EHBP1: variants seen among roughly 807,000 people sequenced by gnomAD.
The protein encoded by EHBP1 is EH domain binding protein 1.
In EHBP1, 55 loss-of-function variants were observed where a neutral mutation model predicts 144.0. The ratio of observed to expected loss-of-function variants is 0.38; its 90% CI spans 0.31 to 0.48. The LOEUF is 0.48. Among genes scored for constraint, EHBP1 ranks in the 20% least tolerant of loss-of-function variants. The pLI is 0.98. For synonymous variants in EHBP1, 469 were observed against 472.7 expected, an observed-to-expected ratio of 0.99 and a Z score of 0.10; for missense variants, 1,200 against 1,364.2, an observed-to-expected ratio of 0.88 and a Z score of 1.90.
At chr2:62,901,966 A>G (rs2053451846) in intron 10 of EHBP1, among the ~76,000 whole-genome samples, 1 of 148,000 alleles carries the variant, frequency 6.8e-6, no homozygotes. Flanking sequence ...CGCTGTCTCA[A>G]AAAAAAAAAA....
At chr2:62,953,529 A>G (rs1267066724) in intron 13 of EHBP1, among the ~76,000 whole-genome samples, 1 of 151,776 alleles carries the variant, frequency 6.6e-6, no homozygotes, top group Non-Finnish European at 1.5e-5. Flanking sequence ...AGCCTCGGTG[A>G]CAGAGTGAGA....
chr2:62,805,468 CT>C (rs199557281), intron 5 of EHBP1, among the ~76,000 whole-genome samples: 17,498 of 123,676 alleles, frequency 0.14, 1,155 homozygotes, highest in Non-Finnish European at 0.17. Flanking sequence ...TTTGTATTTT[CT>C]TTTTTTTTTT....
At chr2:62,802,719 CT>C (rs573491673) in intron 5 of EHBP1, among the ~76,000 whole-genome samples, 1,208 of 115,636 alleles carry the variant, frequency 0.01, 7 homozygotes, top group African/African-American at 0.029. Context: ...TGGGATCATA[CT>C]TTTTTTTTTT....
chr2:62,691,125 A>G (rs891333786), intron 1 of EHBP1, among the ~76,000 whole-genome samples: 1 of 152,240 alleles, frequency 6.6e-6, no homozygotes, highest in African/African-American at 2.4e-5. Flanking sequence ...TTTATCCTTC[A>G]TAAGCTGACT....
intron 2 of EHBP1, among the ~76,000 whole-genome samples, chr2:62,720,068 C>T (rs750057420): frequency 1.3e-5 from 2 of 152,136 alleles, no homozygotes; most frequent in African/African-American, 4.8e-5. Context: ...CAATCTAATT[C>T]TCAAGTTTGA....
At chr2:62,815,484 T>A (rs954378317) in intron 5 of EHBP1, among the ~76,000 whole-genome samples, 3 of 152,224 alleles carry the variant, frequency 2.0e-5, no homozygotes, top group Non-Finnish European at 4.4e-5. Context: ...ATGAAAAGTA[T>A]GCATAAAGAA....
rs982953877 is a variant in EHBP1 at position 62,811,380 on chromosome 2, A to G, written c.313-14707A>G. ...GAGATGTTTTCAGCGTGGCCTGAGA[A>G]ATGTGGTACTTGTGACAGCTTGGAG... is the stretch of plus-strand genomic sequence containing the variant. On this transcript the variant is annotated intron_variant, in intron 5 of 22. Transcript: ENST00000431489. Among the ~76,000 whole-genome samples, 6 of 152,320 alleles carry G rather than the reference A, an allele frequency of 3.9e-5. No homozygotes were observed. The East Asian group carries it at 5.8e-4, about 15-fold the overall frequency.
intron 7 of EHBP1, among the ~76,000 whole-genome samples, chr2:62,844,159 T>G (rs1396761022): frequency 4.6e-5 from 7 of 152,218 alleles, no homozygotes. Context: ...GAGTAATTTC[T>G]TATGGAAAGT....
At chr2:62,799,509 C>T (rs2043820632) in intron 5 of EHBP1, among the ~76,000 whole-genome samples, 1 of 152,166 alleles carries the variant, frequency 6.6e-6, no homozygotes, top group Non-Finnish European at 1.5e-5. Flanking sequence ...CCTTCCTGCT[C>T]TTAGACAATG....
chr2:62,674,564 A>C (rs933938695), intron 1 of EHBP1, among the ~76,000 whole-genome samples: 1 of 152,214 alleles, frequency 6.6e-6, no homozygotes, highest in Non-Finnish European at 1.5e-5. Context: ...CTACAGTAGG[A>C]TAGTGATGCC....
intron 2 of EHBP1, among the ~76,000 whole-genome samples, chr2:62,739,329 G>A (rs1024314011): frequency 6.6e-6 from 1 of 151,500 alleles, no homozygotes; most frequent in Non-Finnish European, 1.5e-5. Context: ...ATAGAAGTGT[G>A]TTGAGATGAA....
intron 15 of EHBP1, among the ~76,000 whole-genome samples, chr2:62,984,390 C>T (rs1200746005): frequency 1.3e-5 from 2 of 152,172 alleles, no homozygotes; most frequent in Non-Finnish European, 2.9e-5. Context: ...ATCTAATCTC[C>T]TTTTACCTTT....
At chr2:62,918,526 C>G (rs375148485) in intron 10 of EHBP1, among the ~76,000 whole-genome samples, 9 of 152,148 alleles carry the variant, frequency 5.9e-5, no homozygotes, top group East Asian at 3.8e-4. Context: ...AACCTGCAAG[C>G]ATCTCTAGTT....
At chr2:62,756,109 A>C (rs112047892) in intron 3 of EHBP1, among the ~76,000 whole-genome samples, 383 of 150,626 alleles carry the variant, frequency 2.5e-3, no homozygotes, top group African/African-American at 8.9e-3. Context: ...CCCCCTCTCT[A>C]CAAAAAAAAA....
At chr2:63,042,772 C>G (rs1574601009) in intron 21 of EHBP1, among the ~76,000 whole-genome samples, 2 of 151,490 alleles carry the variant, frequency 1.3e-5, no homozygotes, top group African/African-American at 4.8e-5. Flanking sequence ...TTTTTAATTA[C>G]TAATTAAAGC....
rs79379062 is a variant in EHBP1, at chr2:62,728,421, A to C, written c.105-18974A>C. Among the ~76,000 whole-genome samples the C allele has an allele frequency of 7.7e-4, 117 of 152,196 alleles. 1 individual carries two copies. The East Asian group carries it at 0.022, about 28-fold the overall frequency. ...ACCAACACATCTGATTGTCTTTTTT[A>C]TTTTAGCCATTTAAGTACATGTAAA... On this transcript the variant is annotated intron_variant, in intron 2 of 22. Coordinates refer to ENST00000431489, the MANE Select transcript of EHBP1 (RefSeq NM_001142616.3).
At chr2:62,828,941 A>T (rs2046550269) in intron 6 of EHBP1, among the ~76,000 whole-genome samples, 1 of 151,706 alleles carries the variant, frequency 6.6e-6, no homozygotes, top group South Asian at 2.1e-4. Context: ...ACATGGCAAG[A>T]CCCCCCTCTC....
rs927566591 is a variant in EHBP1 at position 62,685,038 on chromosome 2, G to A, written c.-296+10955G>A. ...GGGGTGCTAGGGGGAATGGGGAGAT[G>A]AGAGTCAAAGGGTAAAGAACTGTTA... On this transcript the variant is annotated intron_variant, in intron 1 of 22. Coordinates refer to the EHBP1 transcript ENST00000405015. Among the ~76,000 whole-genome samples the A allele has an allele frequency of 5.9e-5, 9 of 152,130 alleles. No homozygotes were observed. The South Asian group carries it at 6.2e-4, about 10-fold the overall frequency.
At chr2:62,990,877 C>T (rs1449125593) in intron 16 of EHBP1, 37 bp downstream of exon 16, 6 of 1,557,258 alleles carry the variant, frequency 3.9e-6, no homozygotes, top group Non-Finnish European at 5.2e-6. Context: ...GGCTTAGTAT[C>T]TGTGTCTTCT....
Sources: gnomAD v4.1 joint callset for allele counts (sites outside exome capture counted in the v4.1 genomes callset) on GRCh38, gnomAD v4.1.1 for gene constraint, MANE v1.5 for transcripts, NCBI Gene and HGNC (gene_info 2026-07-23, HGNC 2026-07-21) for gene names.